The following PRKN variants were observed in gnomAD, a reference collection of about 807,000 sequenced individuals.
PRKN encodes E3 ubiquitin-protein ligase parkin.
PRKN carries 56 observed loss-of-function variants against 59.5 expected under a neutral mutation model. The observed-to-expected ratio is 0.94, with a 90% confidence interval of 0.76 to 1.18. The LOEUF (loss-of-function observed/expected upper bound fraction) is 1.18, where lower values mean the gene tolerates loss of function less well. PRKN is among the 50% of genes most tolerant of loss of function. The pLI is 0.00. For missense variants in PRKN, 657 were observed against 596.4 expected (o/e 1.10, Z -1.06); for synonymous variants, 250 against 222.1 (o/e 1.13, Z -1.12).
chr6:161,955,848 C>G (rs1292421778), intron 6 of PRKN, among the ~76,000 whole-genome samples: 1 of 152,132 alleles, frequency 6.6e-6, no homozygotes, highest in African/African-American at 2.4e-5. Flanking sequence ...TAAACTCTAT[C>G]TCAAAAAATA....
intron 1 of PRKN, among the ~76,000 whole-genome samples, chr6:162,514,043 C>G (rs1777741471): frequency 6.6e-6 from 1 of 150,868 alleles, no homozygotes; most frequent in Non-Finnish European, 1.5e-5. Flanking sequence ...GAGACTCCAT[C>G]TCAAAAAAAA....
intron 4 of PRKN, among the ~76,000 whole-genome samples, chr6:162,161,982 T>A (rs1206380192): frequency 6.6e-6 from 1 of 152,128 alleles, no homozygotes; most frequent in Non-Finnish European, 1.5e-5. Context: ...GTGCTCTGTA[T>A]CCACAGATTC....
Position 161,734,521 on chromosome 6 carries a change from G to A in PRKN, c.871+51251C>T, listed in dbSNP as rs1787885567. On this transcript the variant is annotated intron_variant, in intron 7 of 11. Coordinates refer to ENST00000366898, the MANE Select transcript of PRKN (RefSeq NM_004562.3). ...CCTCTCTGATCAGCAGAGGACCTTG[G>A]TACTCAGGCCTGGACTTGTGGAAAC... Among the ~76,000 whole-genome samples the A allele has an allele frequency of 2.0e-5, 3 of 152,174 alleles. No individual in the cohort carries two copies. The South Asian group carries it at 6.2e-4, about 32-fold the overall frequency.
chr6:161,402,818 C>T lies in PRKN; in HGVS notation c.1084-15941G>A, dbSNP rs1006342905. Among the ~76,000 whole-genome samples, 1 of 152,040 alleles carries T rather than the reference C, an allele frequency of 6.6e-6. No individual in the cohort carries two copies. Among genetic ancestry groups the T allele is most frequent in the Admixed American group, 6.6e-5 (1 of 15,264 alleles). On this transcript the variant is annotated intron_variant, in intron 9 of 11. Transcript: ENST00000366898. This position sits in a 1 kb window ranked among gnomAD's most constrained non-coding sequence, Gnocchi z 4.5. ...AAGGTTGTCTTATTATGTAGATAAA[C>T]AATCTCTCAGGTAATAAAAGTTGTC...
In PRKN at chr6:161,473,887, T is replaced by G. The variant is rs1790923799; in HGVS notation, c.1083+74967A>C. On this transcript the variant is annotated intron_variant, in intron 9 of 11. Coordinates refer to ENST00000366898, the MANE Select transcript of PRKN (RefSeq NM_004562.3). This position sits in a 1 kb window ranked among gnomAD's most constrained non-coding sequence, Gnocchi z 4.1. ...AGAAAGGAGAGCAGGTGGAGTGGCA[T>G]TTTTATATACAAGATCGCTAGGATG... 6.6e-6 allele frequency among the ~76,000 whole-genome samples: 1 copy of G among 152,150 alleles called. No individual in the cohort carries two copies. Among genetic ancestry groups the G allele is most frequent in the African/African-American group, 2.4e-5 (1 of 41,438 alleles).
intron 1 of PRKN, among the ~76,000 whole-genome samples, chr6:162,558,115 C>A (rs4636000): frequency 6.6e-6 from 1 of 151,824 alleles, no homozygotes; most frequent in Admixed American, 6.6e-5. Context: ...CTGCTCCTTA[C>A]GACAAAGGTT....
chr6:162,206,542 G>A (rs755486541), intron 3 of PRKN, among the ~76,000 whole-genome samples: 1 of 152,066 alleles, frequency 6.6e-6, no homozygotes, highest in Non-Finnish European at 1.5e-5. Context: ...TACACATCAA[G>A]AATGCTGCTG....
chr6:161,952,538 G>A (rs1266680579), intron 6 of PRKN, among the ~76,000 whole-genome samples: 5 of 152,188 alleles, frequency 3.3e-5, no homozygotes, highest in African/African-American at 1.2e-4. Flanking sequence ...AGGATCACCT[G>A]CACCCAGGAG....
chr6:162,137,158 G>T (rs1166037309), intron 4 of PRKN, among the ~76,000 whole-genome samples: 2 of 152,156 alleles, frequency 1.3e-5, no homozygotes, highest in Admixed American at 6.5e-5. Context: ...CTTCAAGTGG[G>T]TTACTTTTTA....
At chr6:161,685,393 C>T (rs912943175) in intron 7 of PRKN, among the ~76,000 whole-genome samples, 8 of 152,266 alleles carry the variant, frequency 5.3e-5, no homozygotes, top group African/African-American at 1.7e-4. Flanking sequence ...AACTAAGAAA[C>T]GTTATTTTCA....
intron 2 of PRKN, among the ~76,000 whole-genome samples, chr6:162,264,916 C>T (rs1780061239): frequency 6.6e-6 from 1 of 152,024 alleles, no homozygotes; most frequent in African/African-American, 2.4e-5. Flanking sequence ...GCAATTCTGT[C>T]TCAGAATTAC....
chr6:161,771,320 C>T (rs1325654288), intron 7 of PRKN, among the ~76,000 whole-genome samples: 3 of 144,200 alleles, frequency 2.1e-5, no homozygotes, highest in Admixed American at 1.5e-4. Context: ...CGCGCCACTG[C>T]GCTCCAGCTT....
At chr6:161,696,833 A>G (rs1786042543) in intron 7 of PRKN, among the ~76,000 whole-genome samples, 2 of 152,216 alleles carry the variant, frequency 1.3e-5, no homozygotes, top group East Asian at 3.8e-4. Flanking sequence ...AAAAAATGAT[A>G]TTTGCATGCT....
chr6:162,094,892 G>A (rs1371646575), intron 4 of PRKN, among the ~76,000 whole-genome samples: 2 of 152,096 alleles, frequency 1.3e-5, no homozygotes, highest in African/African-American at 4.8e-5. Context: ...TCTATTTTGT[G>A]TATAGTCTAG....
chr6:162,235,993 GAA>G (rs66767822), intron 3 of PRKN, among the ~76,000 whole-genome samples: 14 of 135,112 alleles, frequency 1.0e-4, no homozygotes, highest in African/African-American at 3.8e-4. Flanking sequence ...AAGAAAGAAA[GAA>G]AGAAAGAAAG....
chr6:162,712,966 C>A (rs1198567613), intron 1 of PRKN, among the ~76,000 whole-genome samples: 6 of 152,186 alleles, frequency 3.9e-5, no homozygotes, highest in African/African-American at 1.2e-4. Context: ...ACTATTACCA[C>A]CACTTCACCA....
intron 2 of PRKN, among the ~76,000 whole-genome samples, chr6:162,320,146 T>C (rs931952532): frequency 5.3e-5 from 8 of 151,780 alleles, no homozygotes; most frequent in Non-Finnish European, 8.8e-5. Context: ...CATGATTCCA[T>C]GTTTTCTATG....
At chr6:162,165,909 G>A (rs1782956799) in intron 4 of PRKN, among the ~76,000 whole-genome samples, 1 of 151,912 alleles carries the variant, frequency 6.6e-6, no homozygotes, top group African/African-American at 2.4e-5. Flanking sequence ...TTAGCCGGGT[G>A]TGGTGGTGGG....
chr6:162,293,223 G>C (rs1270964022), intron 2 of PRKN, among the ~76,000 whole-genome samples: 1 of 152,176 alleles, frequency 6.6e-6, no homozygotes, highest in Non-Finnish European at 1.5e-5. Context: ...CCCTTCTTCA[G>C]GCAGAACAGT....
Sources: gnomAD v4.1 joint callset for allele counts (sites outside exome capture counted in the v4.1 genomes callset) on GRCh38, gnomAD v4.1.1 for gene constraint, Gnocchi (gnomAD v3.1) non-coding constraint, MANE v1.5 for transcripts, NCBI Gene and HGNC (gene_info 2026-07-23, HGNC 2026-07-21) for gene names.